TRIM62: variants seen among roughly 807,000 people sequenced by gnomAD.
The protein encoded by TRIM62 is tripartite motif containing 62.
A neutral mutation model predicts 44.2 loss-of-function variants in TRIM62; 39 were observed. The ratio of observed to expected loss-of-function variants is 0.88; its 90% CI spans 0.68 to 1.15. The LOEUF is 1.15. TRIM62 is among the 50% of genes most tolerant of loss of function. TRIM62 has a pLI of 0.00. For missense variants in TRIM62, 544 were observed against 665.5 expected (o/e 0.82, Z 2.01); for synonymous variants, 278 against 292.3 (o/e 0.95, Z 0.50).
At chr1:33,174,945 G>GTGTATATATA (rs1172648170) in intron 1 of TRIM62, among the ~76,000 whole-genome samples, 49 of 141,752 alleles carry the variant, frequency 3.5e-4, no homozygotes, top group African/African-American at 1.3e-3. Flanking sequence ...ATATATGTGT[G>GTGTATATATA]TATATATATA....
intron 1 of TRIM62, among the ~76,000 whole-genome samples, chr1:33,180,000 G>C (rs1046910831): frequency 6.6e-6 from 1 of 152,154 alleles, no homozygotes; most frequent in Non-Finnish European, 1.5e-5. Context: ...TTGTTTGTTT[G>C]TTTGTTTGTT....
intron 4 of TRIM62, among the ~76,000 whole-genome samples, chr1:33,153,066 G>A (rs1016964767): frequency 6.6e-6 from 1 of 152,010 alleles, no homozygotes; most frequent in African/African-American, 2.4e-5. Context: ...GAGGGTGGAA[G>A]TGCCAGAGCA....
intron 1 of TRIM62, among the ~76,000 whole-genome samples, chr1:33,171,862 A>C (rs1645377272): frequency 6.6e-6 from 1 of 152,058 alleles, no homozygotes; most frequent in Admixed American, 6.5e-5. Flanking sequence ...GCTCACTACA[A>C]CCTCTGCCTC....
chr1:33,159,999 T>C lies in TRIM62; in HGVS notation c.505-55A>G. 1 of 1,574,514 alleles carries C rather than the reference T, an allele frequency of 6.4e-7. No individual in the cohort carries two copies. On this transcript the variant is annotated intron_variant, in intron 2 of 4. Transcript: ENST00000291416. The surrounding 1 kb of genome is among the most constrained non-coding windows in gnomAD (Gnocchi z 4.2). ...CTGGGGGAGCAGATGGGGTGATCTC[T>C]GGGTGAGAGGAGGAAATCGAGAGCC...
intron 2 of TRIM62, among the ~76,000 whole-genome samples, chr1:33,162,518 C>T (rs1425919691): frequency 2.6e-5 from 4 of 152,234 alleles, no homozygotes; most frequent in Non-Finnish European, 4.4e-5. Flanking sequence ...TCCCTCGGCT[C>T]TGCACCCCTG....
intron 1 of TRIM62, among the ~76,000 whole-genome samples, chr1:33,172,693 G>A (rs1250038461): frequency 6.6e-6 from 1 of 152,142 alleles, no homozygotes; most frequent in Non-Finnish European, 1.5e-5. Flanking sequence ...GAAGAAGCCA[G>A]GACTGGGGCA....
In TRIM62 at chr1:33,167,875, T is replaced by C. The variant is rs76462007; in HGVS notation, c.409-2309A>G. ...TCTTTGATTACTATCAATTATTCAT[T>C]TAAAAAACATTTCTTGGGCAACTAT... On this transcript the variant is annotated intron_variant, in intron 1 of 4. Transcript: ENST00000291416. The surrounding 1 kb of genome is among the most constrained non-coding windows in gnomAD (Gnocchi z 4.2). Among the ~76,000 whole-genome samples, 5,498 of 152,320 alleles carry C rather than the reference T, an allele frequency of 0.036. 148 individuals are homozygous for C. Among genetic ancestry groups the C allele is most frequent in the African/African-American group, 0.073 (3,020 of 41,556 alleles).
Position 33,145,649 on chromosome 1 carries a change from G to A in TRIM62, c.*1528C>T. The A allele has an allele frequency of 3.3e-6, 1 of 303,078 alleles. No homozygotes were observed. The highest frequency in any genetic ancestry group is 6.5e-6 in the Non-Finnish European group (1 of 153,598). The allele number at this position is 303,078 out of a possible 1,614,324, so 18.8% of individuals were successfully genotyped here. On this transcript the variant is annotated 3_prime_UTR_variant, in exon 5 of 5. Transcript: ENST00000291416. ...CAGAGACCCCAAGTGCAGAATCTAG[G>A]CCCCAGGACTAGAAAGAAAAGTCAA...
At position 33,177,796 on chromosome 1, in the gene TRIM62, G is replaced by A. The variant is rs569276844; in HGVS notation, c.408+3229C>T. 1.1e-4 allele frequency among the ~76,000 whole-genome samples: 16 copies of A among 152,272 alleles called. No individual in the cohort carries two copies. In the East Asian group the frequency reaches 1.9e-3, roughly 18 times the overall value. On this transcript the variant is annotated intron_variant, in intron 1 of 4. Coordinates refer to ENST00000291416, the MANE Select transcript of TRIM62 (RefSeq NM_018207.3). This position sits in a 1 kb window ranked among gnomAD's most constrained non-coding sequence, Gnocchi z 4.1. ...CCCAAATGTCAATAATGCCGAGTAC[G>A]ATGTAACCTACTATAGCTGTCATTT... is the stretch of plus-strand genomic sequence containing the variant.
At chr1:33,153,562 G>C (rs899433687) in intron 4 of TRIM62, among the ~76,000 whole-genome samples, 1 of 152,224 alleles carries the variant, frequency 6.6e-6, no homozygotes, top group African/African-American at 2.4e-5. Context: ...CCTGCAACAA[G>C]GAATGGTCCA....
At chr1:33,174,960 TATATATA>T (rs1645404120) in intron 1 of TRIM62, among the ~76,000 whole-genome samples, 1 of 140,292 alleles carries the variant, frequency 7.1e-6, no homozygotes, top group Non-Finnish European at 1.5e-5. Context: ...TATATATATA[TATATATA>T]TACACACATA....
In TRIM62 at chr1:33,179,708, C is replaced by G. The variant is rs562713000; in HGVS notation, c.408+1317G>C. On this transcript the variant is annotated intron_variant, in intron 1 of 4. Coordinates refer to ENST00000291416, the MANE Select transcript of TRIM62 (RefSeq NM_018207.3). ...AGATAGGAGAAATAAGATTCTGTCT[C>G]TGGCCTTGGAGAACTACGTGCTCGA... Among the ~76,000 whole-genome samples the G allele has an allele frequency of 7.2e-5, 11 of 152,274 alleles. No homozygotes were observed. The South Asian group carries it at 2.3e-3, about 32-fold the overall frequency.
Position 33,147,575 on chromosome 1 carries a change from C to G in TRIM62, c.1030G>C (p.Glu344Gln), listed in dbSNP as rs768401773. 8 of 1,613,878 alleles carry G rather than the reference C, an allele frequency of 5.0e-6. No homozygotes were observed. Among genetic ancestry groups the G allele is most frequent in the Non-Finnish European group, 5.9e-6 (7 of 1,180,026 alleles). Reference protein sequence around the residue: ...FDVEVSVLGSEAFSSGVHYWE... With the variant: ...FDVEVSVLGSQAFSSGVHYWE... ...TAGTGGACGCCACTACTGAAGGCTT[C>G]AGAACCCAGCACCGACACCTCCACA... is the stretch of plus-strand genomic sequence containing the variant. Residue 344 changes from glutamate to glutamine, a missense_variant, in exon 5 of 5, where the codon GAA becomes CAA. Transcript: ENST00000291416. This position sits in a 1 kb window ranked among gnomAD's most constrained non-coding sequence, Gnocchi z 8.1.
At chr1:33,180,760 C>CT (rs2147993605) in intron 1 of TRIM62, among the ~76,000 whole-genome samples, 1 of 152,338 alleles carries the variant, frequency 6.6e-6, no homozygotes, top group African/African-American at 2.4e-5. Context: ...TTCTCCCTAA[C>CT]CGCGGACCAG....
chr1:33,164,030 C>G (rs961333212), intron 2 of TRIM62: 5 of 152,264 alleles, frequency 3.3e-5, no homozygotes, highest in Admixed American at 3.3e-4. Context: ...CATAATACTC[C>G]GCTCTCATAC....
chr1:33,170,797 A>G (rs945114011), intron 1 of TRIM62, among the ~76,000 whole-genome samples: 1 of 152,114 alleles, frequency 6.6e-6, no homozygotes, highest in Non-Finnish European at 1.5e-5. Flanking sequence ...CTAGGATGTC[A>G]CCTAACCTCT....
chr1:33,147,092 G>C lies in TRIM62; in HGVS notation c.*85C>G. The C allele has an allele frequency of 6.8e-7, 1 of 1,481,266 alleles. No individual in the cohort carries two copies. 91.8% of individuals were successfully genotyped at this position (1,481,266 alleles called of 1,614,324 possible). On this transcript the variant is annotated 3_prime_UTR_variant, in exon 5 of 5. Transcript: ENST00000291416. The surrounding 1 kb of genome is among the most constrained non-coding windows in gnomAD (Gnocchi z 8.1). ...CTGAGGTCTCCAGTGGCCACGGTGG[G>C]CTGGAGTCCAGGTCTTCTATCTCCT...
At position 33,147,669 on chromosome 1, in the gene TRIM62, G is replaced by T; in HGVS notation, c.936C>A (p.Asp312Glu). The T allele has an allele frequency of 6.2e-7, 1 of 1,613,860 alleles. No homozygotes were observed. The highest frequency in any genetic ancestry group is 2.2e-5 in the East Asian group (1 of 44,882). The change falls in exon 5 of 5, where the codon GAC becomes GAA. Residue 312 changes from aspartate (D) to glutamate (E), a missense_variant. Physicochemically the swap from Asp to Glu is conservative, Grantham distance 45. Transcript: ENST00000291416. This position sits in a 1 kb window ranked among gnomAD's most constrained non-coding sequence, Gnocchi z 8.1. ...TGCCGTAAGCCACAATGGTGCAGTC[G>T]TCCGACAGGATCAGGCGCTGGTGGG... is the stretch of plus-strand genomic sequence containing the variant. ...GTAHQRLILSDDCTIVAYGNL... is the reference protein window; with the variant it reads ...GTAHQRLILSEDCTIVAYGNL...
chr1:33,165,403 T>C lies in TRIM62; in HGVS notation c.504+68A>G, dbSNP rs142594804. Reference sequence around the variant, plus strand: ...CGAGGCCCCGCCCCTCTTCCCCAGCTGGCCCCGCCCCTCGAAGCCCTGCCC... The same window carrying C: ...CGAGGCCCCGCCCCTCTTCCCCAGCCGGCCCCGCCCCTCGAAGCCCTGCCC... On this transcript the variant is annotated intron_variant, in intron 2 of 4. Coordinates refer to ENST00000291416, the MANE Select transcript of TRIM62 (RefSeq NM_018207.3). This position sits in a 1 kb window ranked among gnomAD's most constrained non-coding sequence, Gnocchi z 4.0. 3.9e-3 allele frequency: 5,377 copies of C among 1,367,990 alleles called. 192 individuals carry two copies. The East Asian group carries it at 0.097, about 25-fold the overall frequency. 84.7% of individuals were successfully genotyped at this position (1,367,990 alleles called of 1,614,324 possible).
Sources: allele counts gnomAD v4.1 joint callset (sites outside exome capture counted in the v4.1 genomes callset), GRCh38; gene constraint gnomAD v4.1.1; non-coding constraint Gnocchi (gnomAD v3.1); transcripts MANE v1.5; gene names NCBI Gene and HGNC (gene_info 2026-07-23, HGNC 2026-07-21).